Variants in PTPRA observed in about 807,000 individuals in gnomAD.
The protein encoded by PTPRA is protein tyrosine phosphatase receptor type A, also known as receptor-type tyrosine-protein phosphatase alpha.
A neutral mutation model predicts 104.8 loss-of-function variants in PTPRA; 25 were observed. The ratio of observed to expected loss-of-function variants is 0.24; its 90% CI spans 0.17 to 0.33. The LOEUF (loss-of-function observed/expected upper bound fraction) is 0.33. Among genes scored for constraint, PTPRA ranks in the 10% least tolerant of loss-of-function variants. The probability of loss-of-function intolerance (pLI) is 1.00; values close to 1 mark genes in which losing one functional copy is unlikely to be tolerated. For missense variants in PTPRA, 765 were observed against 1,015.3 expected, an observed-to-expected ratio of 0.75 and a Z score of 3.35; for synonymous variants, 323 against 368.9, an observed-to-expected ratio of 0.88 and a Z score of 1.43.
At chr20:3,021,560 C>T (rs1028058180) in intron 14 of PTPRA, 132 bp downstream of exon 14, 26 of 1,293,158 alleles carry the variant, frequency 2.0e-5, no homozygotes, top group African/African-American at 3.0e-5. Context: ...ACCAGATATC[C>T]GGGCTCAGGG....
chr20:2,865,255 T>A, the PTPRA span: 1 of 1,614,106 alleles, frequency 6.2e-7, no homozygotes, highest in Non-Finnish European at 8.5e-7. This position sits in a 1 kb window ranked among gnomAD's most constrained non-coding sequence, Gnocchi z 5.2. Context: ...CCACCCTCAT[T>A]CTTGGCGGTC....
chr20:2,931,799 A>G (rs1227157044), intron 2 of PTPRA, among the ~76,000 whole-genome samples: 1 of 151,988 alleles, frequency 6.6e-6, no homozygotes, highest in African/African-American at 2.4e-5. Flanking sequence ...TGGCATAATC[A>G]TAGCTCACTG....
intron 12 of PTPRA, 51 bp from the exon 13 acceptor site, chr20:3,017,765 A>G (rs2064540356): frequency 2.0e-6 from 3 of 1,510,428 alleles, no homozygotes; most frequent in Non-Finnish European, 1.8e-6. Context: ...GCCTCCCAGC[A>G]TCTTTCTTCT....
chr20:3,019,996 G>A (rs929382847), intron 13 of PTPRA, among the ~76,000 whole-genome samples: 3 of 152,176 alleles, frequency 2.0e-5, no homozygotes, highest in Non-Finnish European at 4.4e-5. Context: ...ATCAGGCAGG[G>A]AGGTTGCAGT....
chr20:2,958,346 C>T (rs1055598323), intron 3 of PTPRA, among the ~76,000 whole-genome samples: 8 of 151,724 alleles, frequency 5.3e-5, no homozygotes, highest in Admixed American at 3.3e-4. Context: ...AGAGATAAAG[C>T]GTTGTTGGAG....
At chr20:2,884,733 T>C (rs2090272413) in intron 1 of PTPRA, among the ~76,000 whole-genome samples, 1 of 152,166 alleles carries the variant, frequency 6.6e-6, no homozygotes, top group Admixed American at 6.5e-5. Context: ...GCTGTTTGCG[T>C]GGACATATCC....
At chr20:2,992,737 C>T (rs1272084422) in intron 9 of PTPRA, among the ~76,000 whole-genome samples, 1 of 152,136 alleles carries the variant, frequency 6.6e-6, no homozygotes, top group Non-Finnish European at 1.5e-5. Flanking sequence ...TACAATCTAC[C>T]AGAGCTTATT....
chr20:3,038,592 T>C lies in PTPRA; in HGVS notation c.*459T>C, dbSNP rs1015131802. On this transcript the variant is annotated 3_prime_UTR_variant, in exon 24 of 24. Transcript: ENST00000399903. The stretch of plus-strand genomic sequence containing the variant: ...TCCCCCATCCCCACCACTGATATCA[T>C]GGGGAGTAATAGGACCAGAGCGGTA... 5.6e-6 allele frequency: 1 copy of C among 177,646 alleles called. No individual in the cohort carries two copies. The highest frequency in any genetic ancestry group is 1.2e-5 in the Non-Finnish European group (1 of 84,108). The allele number at this position is 177,646 out of a possible 1,614,324, so 11.0% of individuals were successfully genotyped here.
In PTPRA at chr20:2,947,682, G is replaced by T. The variant is rs142815395; in HGVS notation, c.-49-300G>T. On this transcript the variant is annotated intron_variant, in intron 2 of 23. Transcript: ENST00000399903. ...TAGAGTGCACAGTGGACTGTGTTTA[G>T]CTCAGCAGGAACTCTTTGCAAACAC... Among the ~76,000 whole-genome samples the T allele has an allele frequency of 2.9e-3, 449 of 152,252 alleles. 1 individual carries two copies. The highest frequency in any genetic ancestry group is 5.1e-3 in the Non-Finnish European group (350 of 68,014).
chr20:2,939,135 A>T (rs763135161), intron 2 of PTPRA, among the ~76,000 whole-genome samples: 4 of 152,082 alleles, frequency 2.6e-5, no homozygotes, highest in African/African-American at 9.7e-5. Flanking sequence ...GCCAGTCTGA[A>T]ATTTAGGTGT....
At chr20:3,000,245 G>A (rs555499206) in intron 9 of PTPRA, among the ~76,000 whole-genome samples, 24 of 152,060 alleles carry the variant, frequency 1.6e-4, no homozygotes, top group Admixed American at 1.2e-3. Context: ...CCAAGATTGC[G>A]CCACTGCACT....
At chr20:2,864,861 G>A in the PTPRA span, 30 of 1,398,548 alleles carry the variant, frequency 2.1e-5, no homozygotes, top group African/African-American at 3.8e-4. This position sits in a 1 kb window ranked among gnomAD's most constrained non-coding sequence, Gnocchi z 5.2. Flanking sequence ...GCACCTAGCA[G>A]GCAAGGCTGA....
Position 3,022,044 on chromosome 20 carries a change from C to T in PTPRA, c.1162-10C>T, listed in dbSNP as rs184168343. 7 of 1,613,992 alleles carry T rather than the reference C, an allele frequency of 4.3e-6. No individual in the cohort carries two copies. Among genetic ancestry groups the T allele is most frequent in the African/African-American group, 1.3e-5 (1 of 75,058 alleles). On this transcript the variant is annotated splice_polypyrimidine_tract_variant and intron_variant, in intron 14 of 23. Coordinates refer to ENST00000399903, the MANE Select transcript of PTPRA (RefSeq NM_001385305.1). The surrounding 1 kb of genome is among the most constrained non-coding windows in gnomAD (Gnocchi z 4.6). ...TCAGGGCCAACACACAGGATCTCCT[C>T]ACTTCACAGGTGGGCGACATGACCA...
At chr20:2,903,679 C>A (rs1302736162) in intron 1 of PTPRA, among the ~76,000 whole-genome samples, 1 of 151,622 alleles carries the variant, frequency 6.6e-6, no homozygotes, top group Non-Finnish European at 1.5e-5. Flanking sequence ...TAGAGTGAGA[C>A]CCCAACTTAA....
In PTPRA at chr20:3,038,452, G is replaced by C; in HGVS notation, c.*319G>C. On this transcript the variant is annotated 3_prime_UTR_variant, in exon 24 of 24. Coordinates refer to ENST00000399903, the MANE Select transcript of PTPRA (RefSeq NM_001385305.1). ...AAGATAAACACAAAATCCATTCCAG[G>C]TAGCTCGGCACCAACTAAGAAAAAA... is the stretch of plus-strand genomic sequence containing the variant. 1 of 271,160 alleles carries C rather than the reference G, an allele frequency of 3.7e-6. No homozygotes were observed. Among genetic ancestry groups the C allele is most frequent in the Non-Finnish European group, 7.1e-6 (1 of 141,074 alleles). 16.8% of individuals were successfully genotyped at this position (271,160 alleles called of 1,614,324 possible). A position where few individuals can be genotyped will look rare whatever the true frequency, so the allele number is the denominator to read the frequency against.
At chr20:2,936,460 G>A (rs1392005761) in intron 2 of PTPRA, among the ~76,000 whole-genome samples, 1 of 151,582 alleles carries the variant, frequency 6.6e-6, no homozygotes, top group Non-Finnish European at 1.5e-5. Flanking sequence ...ACCATGCCTG[G>A]CCTAGGTCTT....
chr20:2,967,570 A>G (rs2061990869), intron 5 of PTPRA, among the ~76,000 whole-genome samples: 1 of 151,882 alleles, frequency 6.6e-6, no homozygotes. Context: ...TTAGTTTTCT[A>G]TTTAGTCAGG....
chr20:2,886,132 A>ATT (rs2090368854), intron 1 of PTPRA, among the ~76,000 whole-genome samples: 1 of 152,242 alleles, frequency 6.6e-6, no homozygotes, highest in Non-Finnish European at 1.5e-5. Flanking sequence ...ATCCTGTTTC[A>ATT]TGCAAACCAA....
chr20:3,036,154 T>C (rs575698316), intron 22 of PTPRA, among the ~76,000 whole-genome samples: 3 of 152,128 alleles, frequency 2.0e-5, no homozygotes, highest in Non-Finnish European at 4.4e-5. Flanking sequence ...GGGACTAATG[T>C]TCAGATAGTG....
Sources: allele counts gnomAD v4.1 joint callset (sites outside exome capture counted in the v4.1 genomes callset), GRCh38; gene constraint gnomAD v4.1.1; non-coding constraint Gnocchi (gnomAD v3.1); transcripts MANE v1.5; gene names NCBI Gene and HGNC (gene_info 2026-07-23, HGNC 2026-07-21).